ABL2: variants seen among roughly 807,000 people sequenced by gnomAD.
ABL2 encodes the protein tyrosine-protein kinase ABL2.
Under a neutral mutation model 107.7 loss-of-function variants are expected in ABL2, and 49 were observed. The ratio of observed to expected loss-of-function variants is 0.45; its 90% confidence interval spans 0.36 to 0.58. The LOEUF (loss-of-function observed/expected upper bound fraction) is 0.58, where lower values mean the gene tolerates loss of function less well. Among genes scored for constraint, ABL2 ranks in the 20% least tolerant of loss-of-function variants. ABL2 has a pLI of 0.00. For synonymous variants in ABL2, 549 were observed against 548.6 expected (o/e 1.00, Z -0.01); for missense variants, 1,245 against 1,457.0 (o/e 0.85, Z 2.37).
chr1:179,202,735 G>C (rs17362310), intron 1 of ABL2, among the ~76,000 whole-genome samples: 10,949 of 152,134 alleles, frequency 0.072, 447 homozygotes, highest in South Asian at 0.082. Flanking sequence ...ACAGAATGAA[G>C]AATACAGACG....
chr1:179,110,557 G>C, intron 10 of ABL2, 102 bp from the exon 11 acceptor site: 2 of 1,518,712 alleles, frequency 1.3e-6, no homozygotes, highest in Non-Finnish European at 1.8e-6. Flanking sequence ...CTGGCAAGTA[G>C]AGTACTAAAA....
chr1:179,191,469 G>A (rs1661010263), intron 1 of ABL2, among the ~76,000 whole-genome samples: 1 of 131,894 alleles, frequency 7.6e-6, no homozygotes, highest in Admixed American at 9.5e-5. Flanking sequence ...TGCCCAGGCT[G>A]GAGTGCAAAG....
intron 1 of ABL2, among the ~76,000 whole-genome samples, chr1:179,171,867 T>C (rs1170288347): frequency 6.6e-6 from 1 of 152,238 alleles, no homozygotes; most frequent in African/African-American, 2.4e-5. Flanking sequence ...AATTTATTTC[T>C]TCATTTTTGA....
intron 1 of ABL2, among the ~76,000 whole-genome samples, chr1:179,224,134 CAAAAAAAAAAA>C (rs1181284107): frequency 5.8e-5 from 2 of 34,516 alleles, no homozygotes; most frequent in South Asian, 1.8e-3. Context: ...CTACTCACTA[CAAAAAAAAAAA>C]AAAAAAAAAA....
intron 10 of ABL2, among the ~76,000 whole-genome samples, chr1:179,111,817 G>A (rs1654106949): frequency 1.3e-5 from 2 of 152,168 alleles, no homozygotes; most frequent in South Asian, 2.1e-4. Flanking sequence ...GCTGAAGTGG[G>A]TGGATCACTT....
At chr1:179,135,006 G>C (rs1042658960) in intron 1 of ABL2, among the ~76,000 whole-genome samples, 1 of 152,266 alleles carries the variant, frequency 6.6e-6, no homozygotes, top group African/African-American at 2.4e-5. Context: ...TGCCGGGATT[G>C]CAGACGGAGT....
chr1:179,121,266 A>T (rs766816832), intron 5 of ABL2, among the ~76,000 whole-genome samples: 10 of 152,208 alleles, frequency 6.6e-5, no homozygotes, highest in Non-Finnish European at 1.3e-4. Context: ...CTCAGACAAG[A>T]ATTCTGTCCA....
chr1:179,219,387 T>A (rs1662753634), intron 1 of ABL2, among the ~76,000 whole-genome samples: 1 of 150,970 alleles, frequency 6.6e-6, no homozygotes, highest in Admixed American at 6.6e-5. Flanking sequence ...GAGGTAAAAA[T>A]AACACAGAGA....
intron 1 of ABL2, among the ~76,000 whole-genome samples, chr1:179,135,296 TC>T (rs1355089026): frequency 7.0e-6 from 1 of 142,142 alleles, no homozygotes; most frequent in African/African-American, 2.9e-5. Context: ...GAGCGCCTCT[TC>T]CCGGCCGCCA....
At chr1:179,204,686 A>G (rs990902666) in intron 1 of ABL2, among the ~76,000 whole-genome samples, 1 of 152,010 alleles carries the variant, frequency 6.6e-6, no homozygotes, top group Non-Finnish European at 1.5e-5. Context: ...GGCAGAGAGT[A>G]CAGTGAACCA....
At chr1:179,194,073 A>G (rs1661172939) in intron 1 of ABL2, among the ~76,000 whole-genome samples, 1 of 152,206 alleles carries the variant, frequency 6.6e-6, no homozygotes, top group Non-Finnish European at 1.5e-5. Context: ...AAACTCTGTC[A>G]TAATAAATTC....
intron 1 of ABL2, among the ~76,000 whole-genome samples, chr1:179,152,036 GA>G (rs1386558128): frequency 4.6e-5 from 7 of 151,994 alleles, no homozygotes; most frequent in African/African-American, 7.2e-5. Context: ...TTTCTAAGCA[GA>G]AAAAAACAAT....
At chr1:179,211,791 G>GAAA (rs35073460) in intron 1 of ABL2, among the ~76,000 whole-genome samples, 8,669 of 135,918 alleles carry the variant, frequency 0.064, 358 homozygotes, top group Non-Finnish European at 0.087. Flanking sequence ...AATCCTTCTC[G>GAAA]AAAAAAAAAA....
At chr1:179,178,766 G>C (rs369552199) in intron 1 of ABL2, among the ~76,000 whole-genome samples, 3 of 151,878 alleles carry the variant, frequency 2.0e-5, no homozygotes, top group Non-Finnish European at 4.4e-5. Context: ...GGGCTGGGGG[G>C]GGTGCCTGTA....
intron 1 of ABL2, chr1:179,184,434 A>G (rs1263883018): frequency 2.0e-6 from 2 of 1,004,424 alleles, no homozygotes; most frequent in Admixed American, 2.1e-5. Context: ...GGCACCAGAG[A>G]GCTTCTTTAT....
At chr1:179,217,528 A>G (rs1229498160) in intron 1 of ABL2, among the ~76,000 whole-genome samples, 1 of 151,446 alleles carries the variant, frequency 6.6e-6, no homozygotes, top group Non-Finnish European at 1.5e-5. Context: ...CGGGAGGCTG[A>G]GGCAGGAGAA....
intron 1 of ABL2, among the ~76,000 whole-genome samples, chr1:179,190,512 T>C (rs1179573972): frequency 1.3e-5 from 2 of 152,102 alleles, no homozygotes; most frequent in East Asian, 1.9e-4. Flanking sequence ...CTTCATTACA[T>C]AGGCATAGTT....
At chr1:179,129,748 C>T (rs1656103422) in intron 3 of ABL2, among the ~76,000 whole-genome samples, 1 of 151,902 alleles carries the variant, frequency 6.6e-6, no homozygotes, top group Non-Finnish European at 1.5e-5. Flanking sequence ...TAAAATGTTC[C>T]TACAACTGCA....
intron 1 of ABL2, among the ~76,000 whole-genome samples, chr1:179,181,067 C>G (rs576575326): frequency 6.6e-6 from 1 of 152,366 alleles, no homozygotes; most frequent in Admixed American, 6.5e-5. Context: ...CACATTCTAA[C>G]AGTACAGCTG....
Sources: gnomAD v4.1 joint callset for allele counts (sites outside exome capture counted in the v4.1 genomes callset) on GRCh38, gnomAD v4.1.1 for gene constraint, MANE v1.5 for transcripts, NCBI Gene and HGNC (gene_info 2026-07-23, HGNC 2026-07-21) for gene names.